RRS1: variants seen among roughly 807,000 people sequenced by gnomAD.
The protein encoded by RRS1 is ribosome biogenesis regulatory protein homolog.
In RRS1, 10 loss-of-function variants were observed where a neutral mutation model predicts 23.1. The ratio of observed to expected loss-of-function variants is 0.43; its 90% confidence interval spans 0.27 to 0.74. The LOEUF is 0.74. RRS1 is among the 30% of genes least tolerant of loss of function. RRS1 has a pLI of 0.19. For synonymous variants in RRS1, 198 were observed against 207.7 expected (o/e 0.95, Z 0.40); for missense variants, 485 against 484.3 (o/e 1.00, Z -0.01).
chr8:66,430,619 T>TATC lies in RRS1; in HGVS notation c.*392_*394dup, dbSNP rs1805207021. 5.0e-6 allele frequency: 1 copy of TATC among 201,400 alleles called. No homozygotes were observed. Among genetic ancestry groups the TATC allele is most frequent in the African/African-American group, 2.4e-5 (1 of 42,242 alleles). The allele number at this position is 201,400 out of a possible 1,614,324, so 12.5% of individuals were successfully genotyped here. ...GCATTATTTTTACAACAAGTTTGTG[T>TATC]ATCAGAGCGGGAGTGCGGGGGAGGG... On this transcript the variant is annotated 3_prime_UTR_variant, in exon 1 of 1. Coordinates refer to ENST00000320270, the MANE Select transcript of RRS1 (RefSeq NM_015169.4).
At position 66,429,147 on chromosome 8, in the gene RRS1, G is replaced by A. The variant is rs1271149397; in HGVS notation, c.16G>A (p.Val6Met). 1.2e-6 allele frequency: 2 copies of A among 1,610,498 alleles called. No homozygotes were observed. The highest frequency in any genetic ancestry group is 1.1e-5 in the South Asian group (1 of 90,872). Residue 6 changes from valine (V) to methionine (M), a missense_variant, in exon 1 of 1, where the codon GTG becomes ATG. Physicochemically the swap from Val to Met is conservative, Grantham distance 21. Coordinates refer to ENST00000320270, the MANE Select transcript of RRS1 (RefSeq NM_015169.4). The surrounding 1 kb of genome is among the most constrained non-coding windows in gnomAD (Gnocchi z 5.1). ...AGCCGGAGCCATGGAGGGCCAGAGCGTGGAGGAGCTGCTCGCAAAGGCAGA... is the reference window on the plus strand; with the variant it reads ...AGCCGGAGCCATGGAGGGCCAGAGCATGGAGGAGCTGCTCGCAAAGGCAGA... MEGQS[V>M]EELLAKAEQD... is the part of the protein sequence containing the mutation.
Position 66,430,233 on chromosome 8 carries a change from T to TG in RRS1, c.*4_*5insG. The stretch of plus-strand genomic sequence containing the variant: ...AGGAGGAAAGAGGAGGAAGTAATAG[T>TG]TTCTAACTGTCGGACCCGTCTGTAA... On this transcript the variant is annotated 3_prime_UTR_variant, in exon 1 of 1. Transcript: ENST00000320270. 6.2e-7 allele frequency: 1 copy of TG among 1,613,890 alleles called. No homozygotes were observed. Among genetic ancestry groups the TG allele is most frequent in the Non-Finnish European group, 8.5e-7 (1 of 1,179,926 alleles).
In RRS1 at chr8:66,430,345, A is replaced by T. The variant is rs1805201250; in HGVS notation, c.*116A>T. 17 of 1,129,544 alleles carry T rather than the reference A, an allele frequency of 1.5e-5. No individual in the cohort carries two copies. Among genetic ancestry groups the T allele is most frequent in the Non-Finnish European group, 2.1e-5 (16 of 778,976 alleles). The allele number at this position is 1,129,544 out of a possible 1,614,324, so 70.0% of individuals were successfully genotyped here. A position where few individuals can be genotyped will look rare whatever the true frequency, so the allele number is the denominator to read the frequency against. On this transcript the variant is annotated 3_prime_UTR_variant, in exon 1 of 1. Coordinates refer to ENST00000320270, the MANE Select transcript of RRS1 (RefSeq NM_015169.4). ...CTGGCCGCTGCCTTCATTGAGTTTAAAGGGACAGGATTGCCCTTCCGTCAA... is the reference window on the plus strand; with the variant it reads ...CTGGCCGCTGCCTTCATTGAGTTTATAGGGACAGGATTGCCCTTCCGTCAA...
chr8:66,429,899 C>T lies in RRS1; in HGVS notation c.768C>T (p.Pro256=). 2 of 1,614,126 alleles carry T rather than the reference C, an allele frequency of 1.2e-6. No homozygotes were observed. Among genetic ancestry groups the T allele is most frequent in the Non-Finnish European group, 1.7e-6 (2 of 1,180,030 alleles). ...CCGGCAAGAAAAGGAAGTTTCAACC[C>T]CTTTTCGGGGACTTTGCAGCCGAGA... ...RGSGKKRKFQ[P]LFGDFAAEKK... The change falls in exon 1 of 1, where the codon CCC becomes CCT. Residue 256 remains proline, a synonymous_variant. Transcript: ENST00000320270. The surrounding 1 kb of genome is among the most constrained non-coding windows in gnomAD (Gnocchi z 5.1).
At position 66,430,493 on chromosome 8, in the gene RRS1, G is replaced by T; in HGVS notation, c.*264G>T. ...ATAATTTGGTGGAAACCGGGAATGA[G>T]TTCTATTCTTAAACAGCCTTTTTTT... On this transcript the variant is annotated 3_prime_UTR_variant, in exon 1 of 1. Transcript: ENST00000320270. 2.2e-6 allele frequency: 1 copy of T among 459,016 alleles called. No homozygotes were observed. The highest frequency in any genetic ancestry group is 4.3e-5 in the South Asian group (1 of 23,450). 28.4% of individuals were successfully genotyped at this position (459,016 alleles called of 1,614,324 possible). A position where few individuals can be genotyped will look rare whatever the true frequency, so the allele number is the denominator to read the frequency against.
At position 66,430,097 on chromosome 8, in the gene RRS1, G is replaced by A. The variant is rs778442831; in HGVS notation, c.966G>A (p.Lys322=). The A allele has an allele frequency of 3.7e-6, 6 of 1,613,330 alleles. No individual in the cohort carries two copies. In the Admixed American group the frequency reaches 1.0e-4, roughly 27 times the overall value. Residue 322 remains lysine (K), a synonymous_variant, in exon 1 of 1, where the codon AAG becomes AAA. Transcript: ENST00000320270. The part of the protein sequence containing the change: ...RKGGRQGPGG[K]RKGGPPSQGG... ...GAGGCCGGCAGGGGCCTGGGGGCAA[G>A]AGGAAAGGGGGCCCGCCCAGCCAGG...
Position 66,429,662 on chromosome 8 carries a change from CAAG to C in RRS1, c.535_537del (p.Lys179del). 6.2e-7 allele frequency: 1 copy of C among 1,613,082 alleles called. No homozygotes were observed. The highest frequency in any genetic ancestry group is 8.5e-7 in the Non-Finnish European group (1 of 1,179,986). ...ACCAGTTCGCCAAGCGGATTCAGGCCAAGAAGGAAAGGGTGGCCAAGAACGAGC... is the reference window on the plus strand; with the variant it reads ...ACCAGTTCGCCAAGCGGATTCAGGCCAAGGAAAGGGTGGCCAAGAACGAGC... On this transcript the variant is annotated inframe_deletion, in exon 1 of 1. Coordinates refer to ENST00000320270, the MANE Select transcript of RRS1 (RefSeq NM_015169.4). The surrounding 1 kb of genome is among the most constrained non-coding windows in gnomAD (Gnocchi z 5.1).
Position 66,430,119 on chromosome 8 carries a change from C to G in RRS1, c.988C>G (p.Gln330Glu), listed in dbSNP as rs781036590. Residue 330 changes from glutamine to glutamate, a missense_variant, in exon 1 of 1, where the codon CAG (glutamine) becomes GAG (glutamate). Physicochemically the swap from Gln to Glu is conservative, Grantham distance 29. Transcript: ENST00000320270. ...GGKRKGGPPS[Q>E]GGKRKGGLGG... ...CAAGAGGAAAGGGGGCCCGCCCAGC[C>G]AGGGAGGGAAGAGGAAAGGGGGCTT... is the stretch of plus-strand genomic sequence containing the variant. 1 of 1,613,664 alleles carries G rather than the reference C, an allele frequency of 6.2e-7. No homozygotes were observed. The highest frequency in any genetic ancestry group is 1.7e-5 in the Admixed American group (1 of 59,988).
chr8:66,430,040 G>T lies in RRS1; in HGVS notation c.909G>T (p.Arg303Ser). Reference protein sequence around the residue: ...REEDQEEAAKRRKMSQKGKRK... With the variant: ...REEDQEEAAKSRKMSQKGKRK... ...AGGACCAGGAGGAGGCCGCCAAGAG[G>T]AGGAAAATGAGCCAGAAGGGCAAGA... Residue 303 changes from arginine (R) to serine (S), a missense_variant, in exon 1 of 1, where the codon AGG becomes AGT. By Grantham distance (110) the Arg-to-Ser change is moderately radical. Coordinates refer to ENST00000320270, the MANE Select transcript of RRS1 (RefSeq NM_015169.4). The T allele has an allele frequency of 6.2e-7, 1 of 1,610,720 alleles. No homozygotes were observed. The highest frequency in any genetic ancestry group is 8.5e-7 in the Non-Finnish European group (1 of 1,178,886).
Position 66,429,892 on chromosome 8 carries a change from T to G in RRS1, c.761T>G (p.Phe254Cys), listed in dbSNP as rs773780982. Residue 254 changes from phenylalanine to cysteine, a missense_variant, in exon 1 of 1, where the codon TTT becomes TGT. Physicochemically the swap from Phe to Cys is radical, Grantham distance 205. Coordinates refer to ENST00000320270, the MANE Select transcript of RRS1 (RefSeq NM_015169.4). This position sits in a 1 kb window ranked among gnomAD's most constrained non-coding sequence, Gnocchi z 5.1. ...VPRGSGKKRK[F>C]QPLFGDFAAE... ...CGGGGCTCCGGCAAGAAAAGGAAGT[T>G]TCAACCCCTTTTCGGGGACTTTGCA... The G allele has an allele frequency of 1.2e-6, 2 of 1,614,002 alleles. No individual in the cohort carries two copies. The highest frequency in any genetic ancestry group is 2.2e-5 in the South Asian group (2 of 91,072).
Position 66,430,288 on chromosome 8 carries a change from T to A in RRS1, c.*59T>A. 6.3e-7 allele frequency: 1 copy of A among 1,575,518 alleles called. No homozygotes were observed. The highest frequency in any genetic ancestry group is 8.7e-7 in the Non-Finnish European group (1 of 1,155,880). ...AGGACTATGAATACTAAATGTTAAG[T>A]TCTAGGCAATTATACGGGGACTCAG... is the stretch of plus-strand genomic sequence containing the variant. On this transcript the variant is annotated 3_prime_UTR_variant, in exon 1 of 1. Coordinates refer to ENST00000320270, the MANE Select transcript of RRS1 (RefSeq NM_015169.4).
Position 66,430,330 on chromosome 8 carries a change from C to A in RRS1, c.*101C>A. 7.7e-7 allele frequency: 1 copy of A among 1,304,114 alleles called. No individual in the cohort carries two copies. Among genetic ancestry groups the A allele is most frequent in the Non-Finnish European group, 1.1e-6 (1 of 934,496 alleles). 80.8% of individuals were successfully genotyped at this position (1,304,114 alleles called of 1,614,324 possible). A position where few individuals can be genotyped will look rare whatever the true frequency, so the allele number is the denominator to read the frequency against. On this transcript the variant is annotated 3_prime_UTR_variant, in exon 1 of 1. Transcript: ENST00000320270. ...GGGACTCAGAAGGACCTGGCCGCTG[C>A]CTTCATTGAGTTTAAAGGGACAGGA...
In RRS1 at chr8:66,429,258, G is replaced by C. The variant is rs751244628; in HGVS notation, c.127G>C (p.Asp43His). ...QFDLGNLLAS[D>H]RNPPTGLRCA... The stretch of plus-strand genomic sequence containing the variant: ...TGACCTGGGCAACCTGCTGGCGTCG[G>C]ACCGGAACCCCCCGACCGGGCTGCG... The change falls in exon 1 of 1, where the codon GAC becomes CAC. Residue 43 changes from aspartate (D) to histidine (H), a missense_variant. Physicochemically the swap from Asp to His is moderately conservative, Grantham distance 81. Transcript: ENST00000320270. This position sits in a 1 kb window ranked among gnomAD's most constrained non-coding sequence, Gnocchi z 5.1. 4 of 1,595,524 alleles carry C rather than the reference G, an allele frequency of 2.5e-6. No homozygotes were observed. In the South Asian group the frequency reaches 4.5e-5, roughly 18 times the overall value.
In RRS1 at chr8:66,429,645, G is replaced by A; in HGVS notation, c.514G>A (p.Ala172Thr). The A allele has an allele frequency of 6.2e-7, 1 of 1,613,176 alleles. No individual in the cohort carries two copies. ...TGCCGACCCCTTGGAGGACCAGTTC[G>A]CCAAGCGGATTCAGGCCAAGAAGGA... is the stretch of plus-strand genomic sequence containing the variant. The part of the protein sequence containing the change: ...GNADPLEDQF[A>T]KRIQAKKERV... Residue 172 changes from alanine to threonine, a missense_variant, in exon 1 of 1, where the codon GCC becomes ACC. Transcript: ENST00000320270. This position sits in a 1 kb window ranked among gnomAD's most constrained non-coding sequence, Gnocchi z 5.1.
chr8:66,429,577 C>T lies in RRS1; in HGVS notation c.446C>T (p.Ala149Val). ...CGGCGGCGCTGGGGCTACCAGCGCG[C>T]CCGGGACGACACCAAAGAATGGCTG... ...QWRRRWGYQR[A>V]RDDTKEWLIE... is the part of the protein sequence containing the mutation. The change falls in exon 1 of 1, where the codon GCC becomes GTC. Residue 149 changes from alanine to valine, a missense_variant. Physicochemically the swap from Ala to Val is moderately conservative, Grantham distance 64. Transcript: ENST00000320270. This position sits in a 1 kb window ranked among gnomAD's most constrained non-coding sequence, Gnocchi z 5.1. The T allele has an allele frequency of 1.9e-6, 3 of 1,612,834 alleles. No individual in the cohort carries two copies. Among genetic ancestry groups the T allele is most frequent in the Non-Finnish European group, 2.5e-6 (3 of 1,179,908 alleles).
rs757304705 is a variant in RRS1 at position 66,429,441 on chromosome 8, C to G, written c.310C>G (p.Pro104Ala). 27 of 1,554,960 alleles carry G rather than the reference C, an allele frequency of 1.7e-5. No homozygotes were observed. In the African/African-American group the frequency reaches 3.3e-4, roughly 19 times the overall value. Residue 104 changes from proline (P) to alanine (A), a missense_variant, in exon 1 of 1, where the codon CCT (proline) becomes GCT (alanine). Physicochemically the swap from Pro to Ala is conservative, Grantham distance 27. Transcript: ENST00000320270. The surrounding 1 kb of genome is among the most constrained non-coding windows in gnomAD (Gnocchi z 5.1). ...EPTTRLPREK[P>A]LPRPRPLTRW... ...CACCACACGCCTGCCGCGAGAGAAG[C>G]CTCTGCCCCGACCGCGGCCACTTAC...
In RRS1 at chr8:66,429,450, C is replaced by G. The variant is rs745721641; in HGVS notation, c.319C>G (p.Arg107Gly). 1.3e-6 allele frequency: 2 copies of G among 1,557,872 alleles called. No homozygotes were observed. Among genetic ancestry groups the G allele is most frequent in the South Asian group, 1.2e-5 (1 of 85,404 alleles). The change falls in exon 1 of 1, where the codon CGA (arginine) becomes GGA (glycine). Residue 107 changes from arginine (R) to glycine (G), a missense_variant. Arg to Gly is a moderately radical substitution (Grantham distance 125). Transcript: ENST00000320270. This position sits in a 1 kb window ranked among gnomAD's most constrained non-coding sequence, Gnocchi z 5.1. ...TRLPREKPLP[R>G]PRPLTRWQQF... ...CCTGCCGCGAGAGAAGCCTCTGCCCCGACCGCGGCCACTTACACGCTGGCA... is the reference window on the plus strand; with the variant it reads ...CCTGCCGCGAGAGAAGCCTCTGCCCGGACCGCGGCCACTTACACGCTGGCA...
rs748708898 is a variant in RRS1 at position 66,429,488 on chromosome 8, C to T, written c.357C>T (p.Arg119=). The change falls in exon 1 of 1, where the codon CGC becomes CGT. Residue 119 remains arginine, a synonymous_variant. Coordinates refer to ENST00000320270, the MANE Select transcript of RRS1 (RefSeq NM_015169.4). This position sits in a 1 kb window ranked among gnomAD's most constrained non-coding sequence, Gnocchi z 5.1. ...TTACACGCTGGCAGCAGTTCGCGCG[C>T]CTCAAGGGCATCCGTCCCAAGAAGA... is the stretch of plus-strand genomic sequence containing the variant. ...RPLTRWQQFA[R]LKGIRPKKKT... is the part of the protein sequence containing the mutation. 13 of 1,591,890 alleles carry T rather than the reference C, an allele frequency of 8.2e-6. No individual in the cohort carries two copies. The highest frequency in any genetic ancestry group is 1.1e-5 in the Non-Finnish European group (13 of 1,169,576).
In RRS1 at chr8:66,429,951, G is replaced by A. The variant is rs36125898; in HGVS notation, c.820G>A (p.Val274Ile). 618 of 1,614,116 alleles carry A rather than the reference G, an allele frequency of 3.8e-4. No homozygotes were observed. The highest frequency in any genetic ancestry group is 2.5e-3 in the Middle Eastern group (15 of 6,062). ...EKKNQLELLR[V>I]MNSKKPQLDV... is the part of the protein sequence containing the mutation. ...AAAGAACCAGTTGGAGCTGCTTCGTGTCATGAACAGCAAGAAGCCTCAGCT... is the reference window on the plus strand; with the variant it reads ...AAAGAACCAGTTGGAGCTGCTTCGTATCATGAACAGCAAGAAGCCTCAGCT... The change falls in exon 1 of 1, where the codon GTC becomes ATC. Residue 274 changes from valine to isoleucine, a missense_variant. Val to Ile is a conservative substitution (Grantham distance 29, BLOSUM62 3). Transcript: ENST00000320270. This position sits in a 1 kb window ranked among gnomAD's most constrained non-coding sequence, Gnocchi z 5.1.
Sources: allele counts gnomAD v4.1 joint callset, GRCh38; gene constraint gnomAD v4.1.1; non-coding constraint Gnocchi (gnomAD v3.1); transcripts MANE v1.5; gene names NCBI Gene and HGNC (gene_info 2026-07-23, HGNC 2026-07-21).